DPP10: variants seen among roughly 807,000 people sequenced by gnomAD.
DPP10 encodes the protein inactive dipeptidyl peptidase 10.
In DPP10, 33 loss-of-function variants were observed where a neutral mutation model predicts 120.9. That is an observed-to-expected ratio of 0.27 (90% CI 0.21 to 0.37). The LOEUF (loss-of-function observed/expected upper bound fraction) is 0.37, where lower values mean the gene tolerates loss of function less well. DPP10 is among the 10% of genes least tolerant of loss of function. DPP10 has a pLI of 1.00. For synonymous variants in DPP10, 337 were observed against 326.1 expected, an observed-to-expected ratio of 1.03 and a Z score of -0.36; for missense variants, 816 against 942.8, an observed-to-expected ratio of 0.87 and a Z score of 1.76.
chr2:115,602,311 A>G (rs969830903), intron 5 of DPP10, among the ~76,000 whole-genome samples: 4 of 152,236 alleles, frequency 2.6e-5, no homozygotes, highest in Non-Finnish European at 4.4e-5. Flanking sequence ...ATTGAGAAAC[A>G]TAATGAATGG....
chr2:114,543,448 G>C (rs1687109550), intron 1 of DPP10, among the ~76,000 whole-genome samples: 1 of 152,224 alleles, frequency 6.6e-6, no homozygotes, highest in South Asian at 2.1e-4. Flanking sequence ...TTCTGAGTCT[G>C]TTCATTCCTT....
At chr2:114,567,613 C>T (rs1287906637) in intron 1 of DPP10, among the ~76,000 whole-genome samples, 2 of 152,184 alleles carry the variant, frequency 1.3e-5, no homozygotes, top group Admixed American at 1.3e-4. Context: ...TTTTTTAAAG[C>T]TACTACATTT....
chr2:115,582,746 T>C (rs2082070477), intron 5 of DPP10, among the ~76,000 whole-genome samples: 1 of 152,218 alleles, frequency 6.6e-6, no homozygotes, highest in Non-Finnish European at 1.5e-5. Flanking sequence ...CCCAGTGATG[T>C]TAGTATAAGT....
At chr2:114,580,085 C>T (rs1690376018) in intron 1 of DPP10, among the ~76,000 whole-genome samples, 1 of 152,164 alleles carries the variant, frequency 6.6e-6, no homozygotes, top group South Asian at 2.1e-4. Flanking sequence ...GTTGCTCAAA[C>T]TGGACAAAGG....
chr2:114,496,931 C>T (rs1398585775), intron 1 of DPP10, among the ~76,000 whole-genome samples: 2 of 151,908 alleles, frequency 1.3e-5, no homozygotes, highest in African/African-American at 2.4e-5. Flanking sequence ...AGAATTTTAA[C>T]TAAGCGTTAC....
chr2:114,548,568 C>T (rs981379800), intron 1 of DPP10, among the ~76,000 whole-genome samples: 15 of 152,152 alleles, frequency 9.9e-5, no homozygotes, highest in Admixed American at 2.6e-4. Context: ...CTTTTATGAG[C>T]GAGTCTTTTC....
At chr2:115,323,164 T>G (rs1216980231) in intron 2 of DPP10, among the ~76,000 whole-genome samples, 5 of 152,238 alleles carry the variant, frequency 3.3e-5, no homozygotes, top group African/African-American at 1.2e-4. Context: ...ATCCTACTTC[T>G]TTATCAACTA....
At chr2:115,302,302 A>G (rs1057205148) in intron 1 of DPP10, among the ~76,000 whole-genome samples, 1 of 152,044 alleles carries the variant, frequency 6.6e-6, no homozygotes, top group African/African-American at 2.4e-5. Context: ...AATCCAAACC[A>G]TATCCAAGTG....
chr2:114,690,296 C>T (rs537214738), intron 1 of DPP10, among the ~76,000 whole-genome samples: 1 of 152,144 alleles, frequency 6.6e-6, no homozygotes, highest in African/African-American at 2.4e-5. Flanking sequence ...CAGTTTTCTG[C>T]ATATCGCTAG....
chr2:114,591,554 A>ATTTTTTTTTTTTTTTTTTTTTTTT (rs70937292), intron 1 of DPP10, among the ~76,000 whole-genome samples: 3 of 124,566 alleles, frequency 2.4e-5, no homozygotes, highest in African/African-American at 9.5e-5. Context: ...ACCTCTTCCT[A>ATTTTTTTTTTTTTTTTTTTTTTTT]TTTTTTTTTT....
At chr2:115,196,938 T>C (rs1268010454) in intron 1 of DPP10, among the ~76,000 whole-genome samples, 1 of 152,212 alleles carries the variant, frequency 6.6e-6, no homozygotes, top group Non-Finnish European at 1.5e-5. Context: ...GAGCTTCCTA[T>C]CAGAGATTGC....
chr2:115,554,900 C>A (rs1384708944), intron 5 of DPP10, among the ~76,000 whole-genome samples: 1 of 152,098 alleles, frequency 6.6e-6, no homozygotes, highest in African/African-American at 2.4e-5. Flanking sequence ...CAAATCACTC[C>A]TGACACATTG....
At chr2:114,592,989 C>A (rs1691589497) in intron 1 of DPP10, among the ~76,000 whole-genome samples, 1 of 152,124 alleles carries the variant, frequency 6.6e-6, no homozygotes, top group African/African-American at 2.4e-5. Context: ...TTGTGTTCTA[C>A]AACCTATATT....
At chr2:114,882,043 A>T (rs1435641706) in intron 1 of DPP10, among the ~76,000 whole-genome samples, 1 of 152,160 alleles carries the variant, frequency 6.6e-6, no homozygotes, top group East Asian at 1.9e-4. Flanking sequence ...GTTTGTTTTA[A>T]AAAGTGTATC....
At chr2:115,311,530 G>A (rs1192442930) in intron 2 of DPP10, among the ~76,000 whole-genome samples, 1 of 152,134 alleles carries the variant, frequency 6.6e-6, no homozygotes, top group African/African-American at 2.4e-5. Context: ...TTAGTCTCCT[G>A]GGGTCAAATT....
intron 5 of DPP10, among the ~76,000 whole-genome samples, chr2:115,653,612 T>A (rs933218214): frequency 2.0e-5 from 3 of 151,970 alleles, no homozygotes; most frequent in Admixed American, 1.3e-4. Context: ...TCTCATAATT[T>A]TCCGGAAACA....
intron 3 of DPP10, among the ~76,000 whole-genome samples, chr2:115,476,731 A>C (rs574042896): frequency 5.3e-5 from 8 of 152,168 alleles, no homozygotes; most frequent in Non-Finnish European, 8.8e-5. Flanking sequence ...AGAGAGTACA[A>C]CATCCAAACT....
At chr2:115,184,841 A>G (rs940924716) in intron 1 of DPP10, among the ~76,000 whole-genome samples, 1 of 152,182 alleles carries the variant, frequency 6.6e-6, no homozygotes, top group East Asian at 1.9e-4. Flanking sequence ...AGTAGAAGCT[A>G]TTGTCATCCT....
At chr2:114,943,264 G>A (rs115156881) in intron 1 of DPP10, among the ~76,000 whole-genome samples, 1,823 of 152,066 alleles carry the variant, frequency 0.012, 46 homozygotes, top group African/African-American at 0.042. Flanking sequence ...ATTCCATGTC[G>A]TATATGTGCC....
Sources: allele counts gnomAD v4.1 joint callset (sites outside exome capture counted in the v4.1 genomes callset), GRCh38; gene constraint gnomAD v4.1.1; transcripts MANE v1.5; gene names NCBI Gene and HGNC (gene_info 2026-07-23, HGNC 2026-07-21).